The following QTRT2 variants were observed in gnomAD, a reference collection of about 807,000 sequenced individuals.
QTRT2 encodes queuine tRNA-ribosyltransferase accessory subunit 2.
Under a neutral mutation model 44.8 loss-of-function variants are expected in QTRT2, and 32 were observed. The observed-to-expected ratio is 0.71, with a 90% CI of 0.54 to 0.96. The LOEUF (loss-of-function observed/expected upper bound fraction) is 0.96. QTRT2 is among the 40% of genes least tolerant of loss of function. QTRT2 has a pLI of 0.00. For synonymous variants in QTRT2, 182 were observed against 187.4 expected (o/e 0.97, Z 0.24); for missense variants, 461 against 503.1 (o/e 0.92, Z 0.80).
intron 6 of QTRT2, among the ~76,000 whole-genome samples, chr3:114,076,284 A>G (rs1483898024): frequency 6.6e-6 from 1 of 152,126 alleles, no homozygotes; most frequent in East Asian, 1.9e-4. Flanking sequence ...CTCCCACCTC[A>G]GCCTCCCGAA....
intron 6 of QTRT2, among the ~76,000 whole-genome samples, chr3:114,073,437 C>T (rs755137853): frequency 2.0e-5 from 3 of 151,894 alleles, no homozygotes; most frequent in East Asian, 1.9e-4. Context: ...TGGAGTGCAG[C>T]GGTGCGATCT....
intron 6 of QTRT2, among the ~76,000 whole-genome samples, chr3:114,072,555 C>T (rs1457304046): frequency 6.6e-6 from 1 of 152,170 alleles, no homozygotes; most frequent in African/African-American, 2.4e-5. Flanking sequence ...ATGCATTTGT[C>T]TTCATTAAAC....
intron 3 of QTRT2, among the ~76,000 whole-genome samples, chr3:114,065,816 G>C (rs1046974546): frequency 6.6e-6 from 1 of 151,404 alleles, no homozygotes; most frequent in African/African-American, 2.4e-5. Context: ...ACATATACTT[G>C]CTAATACTAC....
Position 114,080,033 on chromosome 3 carries a change from T to C in QTRT2, c.874T>C (p.Tyr292His), listed in dbSNP as rs1416542732. 27 of 1,611,102 alleles carry C rather than the reference T, an allele frequency of 1.7e-5. No homozygotes were observed. The highest frequency in any genetic ancestry group is 2.3e-5 in the Non-Finnish European group (27 of 1,178,626). ...RGCALTFSFD[Y>H]QPNPEETLLQ... ...ATGTGCCCTGACTTTCAGTTTTGAT[T>C]ACCAGCCGAATCCTGAAGAGACACG... Residue 292 changes from tyrosine (Y) to histidine (H), a missense_variant, in exon 8 of 10, where the codon TAC (tyrosine) becomes CAC (histidine). By Grantham distance (83) the Tyr-to-His change is moderately conservative. Coordinates refer to ENST00000281273, the MANE Select transcript of QTRT2 (RefSeq NM_024638.4).
Position 114,085,921 on chromosome 3 carries a change from GT to G in QTRT2, c.*18del, listed in dbSNP as rs2077231538. ...GCATCTTGAGATCTTGCAAATACAAGTCTCACTCTTCACACTGAGCCTGTAC... is the reference window on the plus strand; with the variant it reads ...GCATCTTGAGATCTTGCAAATACAAGCTCACTCTTCACACTGAGCCTGTAC... On this transcript the variant is annotated 3_prime_UTR_variant, in exon 10 of 10. Transcript: ENST00000281273. 2 of 1,573,350 alleles carry G rather than the reference GT, an allele frequency of 1.3e-6. No individual in the cohort carries two copies. Among genetic ancestry groups the G allele is most frequent in the South Asian group, 2.2e-5 (2 of 90,188 alleles).
intron 6 of QTRT2, among the ~76,000 whole-genome samples, chr3:114,075,292 T>G (rs1208245151): frequency 6.6e-6 from 1 of 152,230 alleles, no homozygotes; most frequent in Non-Finnish European, 1.5e-5. Flanking sequence ...TAACAAGGTT[T>G]AGTAGTTCTT....
chr3:114,082,204 C>CCA (rs71146306), intron 8 of QTRT2, among the ~76,000 whole-genome samples: 2,372 of 138,794 alleles, frequency 0.017, 48 homozygotes, highest in Middle Eastern at 0.036. Flanking sequence ...GATAACCCCA[C>CCA]CACACACACA....
chr3:114,057,705 T>C (rs768897850), intron 2 of QTRT2, among the ~76,000 whole-genome samples: 5 of 152,216 alleles, frequency 3.3e-5, no homozygotes, highest in Non-Finnish European at 2.9e-5. Flanking sequence ...ATGTTTATTC[T>C]TGAGAGAAAA....
Position 114,065,912 on chromosome 3 carries a change from A to G in QTRT2, c.201-316A>G, listed in dbSNP as rs535364960. 5.3e-5 allele frequency among the ~76,000 whole-genome samples: 8 copies of G among 152,370 alleles called. No individual in the cohort carries two copies. In the East Asian group the frequency reaches 1.5e-3, roughly 29 times the overall value. On this transcript the variant is annotated intron_variant, in intron 3 of 9. Transcript: ENST00000281273. ...TAATTGAAAAGCCTACTATATGACCAATTAACATAATAGTCTGCAGCGTTG... is the reference window on the plus strand; with the variant it reads ...TAATTGAAAAGCCTACTATATGACCGATTAACATAATAGTCTGCAGCGTTG...
Position 114,068,710 on chromosome 3 carries a change from T to C in QTRT2, c.333+647T>C, listed in dbSNP as rs554494036. ...CCCTCAGAACACTGTTTTTACTCAT[T>C]CTCCTGTTTTAAGTTTCTATTTATT... is the stretch of plus-strand genomic sequence containing the variant. On this transcript the variant is annotated intron_variant, in intron 5 of 9. Coordinates refer to ENST00000281273, the MANE Select transcript of QTRT2 (RefSeq NM_024638.4). Among the ~76,000 whole-genome samples, 23 of 152,340 alleles carry C rather than the reference T, an allele frequency of 1.5e-4. 1 individual carries two copies. Among genetic ancestry groups the C allele is most frequent in the Admixed American group, 5.9e-4 (9 of 15,300 alleles).
At position 114,067,983 on chromosome 3, in the gene QTRT2, A is replaced by G. The variant is rs759888656; in HGVS notation, c.257-4A>G. The G allele has an allele frequency of 6.2e-7, 1 of 1,613,466 alleles. No individual in the cohort carries two copies. The highest frequency in any genetic ancestry group is 8.5e-7 in the Non-Finnish European group (1 of 1,179,600). ...TTCAAGGGTTCTTTTTTGTGTTTATACAGGCATGCCAGAATCACTCTTGTA... is the reference window on the plus strand; with the variant it reads ...TTCAAGGGTTCTTTTTTGTGTTTATGCAGGCATGCCAGAATCACTCTTGTA... On this transcript the variant is annotated splice_region_variant and splice_polypyrimidine_tract_variant and intron_variant, in intron 4 of 9. Coordinates refer to ENST00000281273, the MANE Select transcript of QTRT2 (RefSeq NM_024638.4).
At chr3:114,057,179 GT>G (rs2076807110) in intron 2 of QTRT2, 73 bp downstream of exon 2, 6 of 755,658 alleles carry the variant, frequency 7.9e-6, no homozygotes, top group African/African-American at 1.8e-5. Flanking sequence ...TCTGAGCCAG[GT>G]GCCTAGGGAG....
intron 6 of QTRT2, among the ~76,000 whole-genome samples, chr3:114,071,775 GC>G (rs1339258877): frequency 6.6e-6 from 1 of 151,994 alleles, no homozygotes; most frequent in African/African-American, 2.4e-5. Context: ...TCTTCTCTCT[GC>G]CTCCATTCTC....
intron 2 of QTRT2, among the ~76,000 whole-genome samples, chr3:114,063,395 TA>T (rs2076912802): frequency 6.6e-6 from 1 of 152,236 alleles, no homozygotes; most frequent in South Asian, 2.1e-4. Context: ...AGTATGCTTT[TA>T]TTAGCTTATA....
intron 2 of QTRT2, among the ~76,000 whole-genome samples, chr3:114,064,263 A>G (rs1331251636): frequency 6.6e-6 from 1 of 152,154 alleles, no homozygotes; most frequent in Non-Finnish European, 1.5e-5. Flanking sequence ...ATCCTCTCTG[A>G]TAGCTCATTT....
chr3:114,071,210 C>CAT (rs2077020635), intron 6 of QTRT2, among the ~76,000 whole-genome samples: 1 of 152,156 alleles, frequency 6.6e-6, no homozygotes, highest in South Asian at 2.1e-4. Context: ...CCGGATTCAT[C>CAT]ATTTTATCTC....
Position 114,083,571 on chromosome 3 carries a change from A to G in QTRT2, c.1016+777A>G, listed in dbSNP as rs1159621089. 5.9e-5 allele frequency among the ~76,000 whole-genome samples: 9 copies of G among 152,056 alleles called. No homozygotes were observed. In the South Asian group the frequency reaches 8.3e-4, roughly 14 times the overall value. Reference sequence around the variant, plus strand: ...GTAATCATCAGTGAACCAGTGAGTGATTTTTCTTTGAGTCTGATGCACTCA... The same window carrying G: ...GTAATCATCAGTGAACCAGTGAGTGGTTTTTCTTTGAGTCTGATGCACTCA... On this transcript the variant is annotated intron_variant, in intron 9 of 9. Transcript: ENST00000281273.
rs954737499 is a variant in QTRT2 at position 114,087,675 on chromosome 3, G to C, written c.*1771G>C. On this transcript the variant is annotated 3_prime_UTR_variant, in exon 10 of 10. Coordinates refer to ENST00000281273, the MANE Select transcript of QTRT2 (RefSeq NM_024638.4). ...GGTTTAATTGGCTCATGGCTCTGCA[G>C]GCTTTACAGGAAGCATGGTACTGGC... 6.6e-6 allele frequency: 1 copy of C among 152,360 alleles called. No homozygotes were observed. Among genetic ancestry groups the C allele is most frequent in the African/African-American group, 2.4e-5 (1 of 41,448 alleles). 9.4% of individuals were successfully genotyped at this position (152,360 alleles called of 1,614,324 possible).
rs3732788 is a variant in QTRT2 at position 114,086,012 on chromosome 3, T to C, written c.*108T>C. ...TGAGCTTTAATTATTTATATTTGGA[T>C]ATAAGGTCTGCTTAAATAAAGAATC... On this transcript the variant is annotated 3_prime_UTR_variant, in exon 10 of 10. Coordinates refer to ENST00000281273, the MANE Select transcript of QTRT2 (RefSeq NM_024638.4). The C allele has an allele frequency of 0.092, 82,304 of 892,434 alleles. 4,168 individuals carry two copies. Among genetic ancestry groups the C allele is most frequent in the African/African-American group, 0.15 (8,818 of 59,582 alleles). 55.3% of individuals were successfully genotyped at this position (892,434 alleles called of 1,614,324 possible).
Sources: gnomAD v4.1 joint callset for allele counts (sites outside exome capture counted in the v4.1 genomes callset) on GRCh38, gnomAD v4.1.1 for gene constraint, MANE v1.5 for transcripts, NCBI Gene and HGNC (gene_info 2026-07-23, HGNC 2026-07-21) for gene names.